The following SLC24A3 variants were observed in gnomAD, a reference collection of about 807,000 sequenced individuals.
SLC24A3 encodes sodium/potassium/calcium exchanger 3.
Under a neutral mutation model 75.8 loss-of-function variants are expected in SLC24A3, and 28 were observed. That is an observed-to-expected ratio of 0.37 (90% CI 0.27 to 0.51). SLC24A3 has a LOEUF of 0.51. SLC24A3 is among the 20% of genes least tolerant of loss of function. The pLI, the probability that SLC24A3 is intolerant of heterozygous loss-of-function variation, is 0.94. For synonymous variants in SLC24A3, 372 were observed against 334.1 expected (o/e 1.11, Z -1.24); for missense variants, 663 against 847.8 (o/e 0.78, Z 2.71).
intron 6 of SLC24A3, among the ~76,000 whole-genome samples, chr20:19,620,138 G>A (rs964418699): frequency 6.6e-6 from 1 of 152,152 alleles, no homozygotes. Flanking sequence ...TAGCCTGAGG[G>A]TCTCCCAGCA....
intron 2 of SLC24A3, among the ~76,000 whole-genome samples, chr20:19,323,345 G>A (rs868106122): frequency 5.9e-5 from 9 of 152,180 alleles, no homozygotes; most frequent in African/African-American, 2.2e-4. Context: ...GGAGGTTAGA[G>A]TGTGAGCAGG....
chr20:19,607,196 G>T (rs929491350), intron 6 of SLC24A3, among the ~76,000 whole-genome samples: 26 of 152,208 alleles, frequency 1.7e-4, no homozygotes, highest in African/African-American at 6.3e-4. Flanking sequence ...CACCAATCCA[G>T]TGAACAATCT....
At chr20:19,526,650 C>T (rs923482663) in intron 3 of SLC24A3, among the ~76,000 whole-genome samples, 1 of 152,158 alleles carries the variant, frequency 6.6e-6, no homozygotes, top group South Asian at 2.1e-4. Flanking sequence ...CCTCCATCTC[C>T]CCCACTATCA....
At chr20:19,262,353 C>T (rs1361801072) in intron 1 of SLC24A3, among the ~76,000 whole-genome samples, 8 of 145,078 alleles carry the variant, frequency 5.5e-5, no homozygotes, top group African/African-American at 1.3e-4. Context: ...TGCAGTGAGC[C>T]GAGATCGCGC....
At chr20:19,305,909 T>G (rs1260723234) in intron 2 of SLC24A3, among the ~76,000 whole-genome samples, 1 of 152,180 alleles carries the variant, frequency 6.6e-6, no homozygotes, top group African/African-American at 2.4e-5. Flanking sequence ...AGCTTCTGCA[T>G]AGCAAAATAA....
intron 2 of SLC24A3, among the ~76,000 whole-genome samples, chr20:19,285,361 C>A (rs906179836): frequency 3.3e-5 from 5 of 150,418 alleles, no homozygotes; most frequent in Non-Finnish European, 7.4e-5. Flanking sequence ...GTCTGTGGTC[C>A]CAGCTACTTG....
chr20:19,212,812 C>T lies in SLC24A3; in HGVS notation c.-31C>T. On this transcript the variant is annotated 5_prime_UTR_variant, in exon 1 of 17. Transcript: ENST00000328041. ...CCGCCCGCGACAGGAGCGGCCGCCG[C>T]CCGCCGAGGCCGCCGCCCGGCCGCC... 2 of 980,250 alleles carry T rather than the reference C, an allele frequency of 2.0e-6. No homozygotes were observed. Among genetic ancestry groups the T allele is most frequent in the South Asian group, 4.5e-5 (1 of 22,022 alleles). 60.7% of individuals were successfully genotyped at this position (980,250 alleles called of 1,614,324 possible). A position where few individuals can be genotyped will look rare whatever the true frequency, so the allele number is the denominator to read the frequency against.
chr20:19,676,795 C>G (rs1418844216), intron 9 of SLC24A3, among the ~76,000 whole-genome samples: 3 of 152,122 alleles, frequency 2.0e-5, no homozygotes, highest in Non-Finnish European at 4.4e-5. Context: ...TTCTGTACAT[C>G]CCAGGTCACT....
intron 2 of SLC24A3, among the ~76,000 whole-genome samples, chr20:19,380,659 T>A (rs1986165638): frequency 6.6e-6 from 1 of 152,114 alleles, no homozygotes; most frequent in South Asian, 2.1e-4. Context: ...TCCTGGGGTA[T>A]TTATTAAAGG....
At chr20:19,605,577 A>G (rs2031586729) in intron 6 of SLC24A3, among the ~76,000 whole-genome samples, 4 of 152,050 alleles carry the variant, frequency 2.6e-5, no homozygotes, top group Admixed American at 1.3e-4. Flanking sequence ...AATTATCCCT[A>G]TGTTTGTTCA....
chr20:19,706,947 G>A (rs1390496151), intron 15 of SLC24A3, among the ~76,000 whole-genome samples: 1 of 152,130 alleles, frequency 6.6e-6, no homozygotes. Flanking sequence ...TACCTTTGTG[G>A]CTGACAAGTG....
intron 1 of SLC24A3, among the ~76,000 whole-genome samples, chr20:19,269,824 G>T (rs534525159): frequency 2.6e-5 from 4 of 152,300 alleles, no homozygotes; most frequent in South Asian, 4.1e-4. Context: ...CCTGAGGCCC[G>T]TATAATAATA....
At chr20:19,403,700 A>G (rs1165060709) in intron 2 of SLC24A3, among the ~76,000 whole-genome samples, 2 of 152,198 alleles carry the variant, frequency 1.3e-5, no homozygotes, top group Non-Finnish European at 2.9e-5. Context: ...ATGTAGCAGC[A>G]GGTAGGTGGG....
intron 15 of SLC24A3, among the ~76,000 whole-genome samples, chr20:19,711,840 A>C (rs2032996862): frequency 6.6e-6 from 1 of 152,194 alleles, no homozygotes; most frequent in Non-Finnish European, 1.5e-5. Context: ...GGTTTTCACC[A>C]TGTTGGCCAG....
At chr20:19,540,964 C>T (rs185388659) in intron 3 of SLC24A3, among the ~76,000 whole-genome samples, 1 of 152,314 alleles carries the variant, frequency 6.6e-6, no homozygotes, top group Admixed American at 6.5e-5. Flanking sequence ...ATAATCCTCC[C>T]CGTGTCCCAA....
chr20:19,532,680 C>A (rs2030324147), intron 3 of SLC24A3, among the ~76,000 whole-genome samples: 1 of 152,212 alleles, frequency 6.6e-6, no homozygotes, highest in South Asian at 2.1e-4. Flanking sequence ...AGACTCTGCC[C>A]ATGGAGCACT....
chr20:19,626,491 C>T (rs1236843601), intron 6 of SLC24A3, among the ~76,000 whole-genome samples: 1 of 152,124 alleles, frequency 6.6e-6, no homozygotes, highest in African/African-American at 2.4e-5. Context: ...GAATAAAATC[C>T]ACCTTTAGAG....
chr20:19,325,795 T>TATATATATATATAG lies in SLC24A3; in HGVS notation c.271+44709_271+44710insTATATATATATAGA, dbSNP rs1251419875. Among the ~76,000 whole-genome samples the TATATATATATATAG allele has an allele frequency of 1.6e-4, 11 of 67,794 alleles. No individual in the cohort carries two copies. The East Asian group carries it at 1.9e-3, about 12-fold the overall frequency. The allele number at this position is 67,794 out of a possible 152,430, so 44.5% of individuals were successfully genotyped here. ...ATATATACATATATATATATATATATAGAGAGAGAGAGAGAGAGAGAGAGA... is the reference window on the plus strand; with the variant it reads ...ATATATACATATATATATATATATATATATATATATATAGAGAGAGAGAGAGAGAGAGAGAGAGA... On this transcript the variant is annotated intron_variant, in intron 2 of 16. Transcript: ENST00000328041.
At chr20:19,486,865 G>T (rs1027404663) in intron 2 of SLC24A3, among the ~76,000 whole-genome samples, 1 of 152,184 alleles carries the variant, frequency 6.6e-6, no homozygotes, top group Non-Finnish European at 1.5e-5. Flanking sequence ...TGCATAGGAA[G>T]CCTGGGAATT....
Sources: gnomAD v4.1 joint callset for allele counts (sites outside exome capture counted in the v4.1 genomes callset) on GRCh38, gnomAD v4.1.1 for gene constraint, MANE v1.5 for transcripts, NCBI Gene and HGNC (gene_info 2026-07-23, HGNC 2026-07-21) for gene names.